NELL1: variants seen among roughly 807,000 people sequenced by gnomAD.
NELL1 encodes the protein protein kinase C-binding protein NELL1.
In NELL1, 76 loss-of-function variants were observed where a neutral mutation model predicts 107.4. That is an observed-to-expected ratio of 0.71 (90% CI 0.59 to 0.86). The LOEUF is 0.86. NELL1 is among the 40% of genes least tolerant of loss of function. NELL1 has a pLI of 0.00. For missense variants in NELL1, 1,024 were observed against 1,005.5 expected (o/e 1.02, Z -0.25); for synonymous variants, 353 against 341.2 (o/e 1.03, Z -0.38).
At chr11:21,365,589 G>C (rs1851202018) in intron 14 of NELL1, among the ~76,000 whole-genome samples, 1 of 152,112 alleles carries the variant, frequency 6.6e-6, no homozygotes, top group South Asian at 2.1e-4. Flanking sequence ...AGTGGAAATG[G>C]CTACTGGAAC....
intron 15 of NELL1, among the ~76,000 whole-genome samples, chr11:21,394,843 T>A (rs925488133): frequency 6.6e-5 from 10 of 151,530 alleles, no homozygotes; most frequent in Non-Finnish European, 1.5e-5. Context: ...TAAGCTTAGT[T>A]AAGGATATAC....
At chr11:20,727,477 A>T (rs1855534842) in intron 2 of NELL1, among the ~76,000 whole-genome samples, 1 of 152,044 alleles carries the variant, frequency 6.6e-6, no homozygotes, top group Non-Finnish European at 1.5e-5. Flanking sequence ...GTTGGCGTTC[A>T]TTGTAGATTC....
intron 15 of NELL1, among the ~76,000 whole-genome samples, chr11:21,477,976 T>C (rs10766819): frequency 0.48 from 72,626 of 151,138 alleles, 17,742 homozygotes; most frequent in African/African-American, 0.56. Context: ...GAAAAATGCA[T>C]CTGTATTAGT....
intron 12 of NELL1, among the ~76,000 whole-genome samples, chr11:21,028,864 T>C (rs1199397925): frequency 2.0e-5 from 3 of 152,166 alleles, no homozygotes; most frequent in African/African-American, 7.2e-5. Context: ...TCTCAAGTTA[T>C]TATTATTTTA....
At chr11:21,431,079 C>A (rs1852953384) in intron 15 of NELL1, among the ~76,000 whole-genome samples, 1 of 151,966 alleles carries the variant, frequency 6.6e-6, no homozygotes, top group Admixed American at 6.6e-5. Context: ...CTAATCATAT[C>A]ATAATTTATG....
intron 12 of NELL1, among the ~76,000 whole-genome samples, chr11:20,979,661 T>C (rs568967610): frequency 1.3e-5 from 2 of 152,338 alleles, no homozygotes; most frequent in Admixed American, 1.3e-4. Context: ...CCCTTTGTTG[T>C]TGAAATCTTT....
At chr11:21,443,207 G>T (rs558274125) in intron 15 of NELL1, among the ~76,000 whole-genome samples, 1 of 152,018 alleles carries the variant, frequency 6.6e-6, no homozygotes, top group African/African-American at 2.4e-5. Flanking sequence ...CAAACTCATC[G>T]TTTTATGAGG....
intron 12 of NELL1, among the ~76,000 whole-genome samples, chr11:21,079,427 G>T (rs7936453): frequency 0.31 from 46,998 of 151,668 alleles, 7,435 homozygotes; most frequent in East Asian, 0.42. Flanking sequence ...GTACCCTATA[G>T]AGAATATTCC....
At chr11:21,482,606 G>A (rs987333399) in intron 15 of NELL1, among the ~76,000 whole-genome samples, 15 of 152,150 alleles carry the variant, frequency 9.9e-5, no homozygotes, top group African/African-American at 9.7e-5. Flanking sequence ...TAGTGGTGAT[G>A]GTTGTTGGAG....
At chr11:21,302,873 T>G (rs1396126695) in intron 14 of NELL1, among the ~76,000 whole-genome samples, 1 of 151,372 alleles carries the variant, frequency 6.6e-6, no homozygotes, top group African/African-American at 2.4e-5. Context: ...CTGGGCAGTA[T>G]AGTGAGACCC....
At chr11:21,025,743 C>T (rs76039790) in intron 12 of NELL1, among the ~76,000 whole-genome samples, 9,515 of 152,136 alleles carry the variant, frequency 0.063, 338 homozygotes, top group Middle Eastern at 0.092. Flanking sequence ...TCAGCCTAGA[C>T]TGATATTTTA....
rs983173043 is a variant in NELL1 at position 20,688,633 on chromosome 11, C to T, written c.184+10573C>T. 5.9e-5 allele frequency among the ~76,000 whole-genome samples: 9 copies of T among 152,214 alleles called. 1 individual carries two copies. The Middle Eastern group carries it at 0.027, about 460-fold the overall frequency. ...TACCACATTTTCTTTATCCAATCCACCATTAATGGCCACCTAGATTGATTG... is the reference window on the plus strand; with the variant it reads ...TACCACATTTTCTTTATCCAATCCATCATTAATGGCCACCTAGATTGATTG... On this transcript the variant is annotated intron_variant, in intron 2 of 19. Transcript: ENST00000357134.
At chr11:21,381,269 G>T (rs1243571990) in intron 15 of NELL1, among the ~76,000 whole-genome samples, 1 of 151,656 alleles carries the variant, frequency 6.6e-6, no homozygotes, top group Non-Finnish European at 1.5e-5. Context: ...CAACATTTTT[G>T]TGCCTAAGAC....
At chr11:21,257,729 G>A (rs777802699) in intron 14 of NELL1, among the ~76,000 whole-genome samples, 2 of 151,936 alleles carry the variant, frequency 1.3e-5, no homozygotes, top group Non-Finnish European at 2.9e-5. Flanking sequence ...ATAGTACAGT[G>A]AGAATACAAA....
intron 12 of NELL1, among the ~76,000 whole-genome samples, chr11:21,108,449 C>T (rs1855022741): frequency 6.6e-6 from 1 of 152,028 alleles, no homozygotes; most frequent in Non-Finnish European, 1.5e-5. Context: ...GGATGTAAAT[C>T]ATGTATTTTT....
intron 13 of NELL1, among the ~76,000 whole-genome samples, chr11:21,203,900 T>C (rs1287074128): frequency 2.0e-5 from 3 of 152,204 alleles, no homozygotes; most frequent in African/African-American, 7.2e-5. Context: ...ATCTTCTGGG[T>C]TGAAAATTTG....
intron 12 of NELL1, among the ~76,000 whole-genome samples, chr11:21,085,965 C>CT (rs1457434145): frequency 6.6e-6 from 1 of 152,188 alleles, no homozygotes; most frequent in Non-Finnish European, 1.5e-5. Flanking sequence ...CACCATCAAG[C>CT]TGTTGGAGTT....
At chr11:20,897,894 C>T (rs976426400) in intron 5 of NELL1, among the ~76,000 whole-genome samples, 23 of 152,050 alleles carry the variant, frequency 1.5e-4, no homozygotes, top group African/African-American at 4.3e-4. Flanking sequence ...GTTAGTATGG[C>T]GATCATTAAA....
At chr11:20,712,357 AT>A in intron 2 of NELL1, among the ~76,000 whole-genome samples, 1 of 152,134 alleles carries the variant, frequency 6.6e-6, no homozygotes, top group South Asian at 2.1e-4. Context: ...CATAGCCTGC[AT>A]TGTTTTTTAA....
Sources: allele counts gnomAD v4.1 joint callset (sites outside exome capture counted in the v4.1 genomes callset), GRCh38; gene constraint gnomAD v4.1.1; transcripts MANE v1.5; gene names NCBI Gene and HGNC (gene_info 2026-07-23, HGNC 2026-07-21).